OTOGL: variants seen among roughly 807,000 people sequenced by gnomAD.
OTOGL encodes the protein otogelin-like protein.
Under a neutral mutation model 318.5 loss-of-function variants are expected in OTOGL, and 285 were observed. That is an observed-to-expected ratio of 0.89 (90% confidence interval 0.81 to 0.99). OTOGL has a LOEUF of 0.99. Ranked by LOEUF, OTOGL falls within the 50% of genes least tolerant of loss-of-function variation. The pLI is 0.00. For missense variants in OTOGL, 2,899 were observed against 2,845.6 expected (o/e 1.02, Z -0.43); for synonymous variants, 987 against 936.5 (o/e 1.05, Z -0.99).
chr12:80,310,257 TATA>T (rs1565974630), intron 29 of OTOGL, among the ~76,000 whole-genome samples: 1 of 152,178 alleles, frequency 6.6e-6, no homozygotes, highest in Admixed American at 6.5e-5. Flanking sequence ...CTTGGGTGCA[TATA>T]ACCTCTCAGA....
intron 1 of OTOGL, among the ~76,000 whole-genome samples, chr12:80,181,433 CTT>C (rs1055041241): frequency 6.6e-6 from 1 of 152,000 alleles, no homozygotes; most frequent in Admixed American, 6.6e-5. Flanking sequence ...GAAGTGTTCT[CTT>C]TTCTATTATG....
chr12:80,118,246 T>C (rs551383022), intron 1 of OTOGL, among the ~76,000 whole-genome samples: 6 of 152,272 alleles, frequency 3.9e-5, no homozygotes, highest in South Asian at 4.1e-4. Context: ...AAGATAACCA[T>C]GTTTTGTGCT....
At chr12:80,359,978 C>A (rs1303570527) in intron 52 of OTOGL, among the ~76,000 whole-genome samples, 1 of 152,154 alleles carries the variant, frequency 6.6e-6, no homozygotes, top group Non-Finnish European at 1.5e-5. Context: ...GGGTTCTAAC[C>A]AAGGATTGCT....
At chr12:80,307,734 C>T (rs1480625532) in intron 29 of OTOGL, among the ~76,000 whole-genome samples, 3 of 137,940 alleles carry the variant, frequency 2.2e-5, no homozygotes, top group African/African-American at 5.5e-5. Context: ...GCTGGCCGAG[C>T]GGGGGGCAGA....
chr12:80,225,607 C>T (rs949356051), intron 7 of OTOGL, among the ~76,000 whole-genome samples: 4 of 152,078 alleles, frequency 2.6e-5, no homozygotes, highest in African/African-American at 9.7e-5. Context: ...TCCTTCTCAA[C>T]ATTTTGCTCT....
At chr12:80,247,083 T>C (rs1185363438) in intron 11 of OTOGL, among the ~76,000 whole-genome samples, 4,719 of 133,434 alleles carry the variant, frequency 0.035, 121 homozygotes, top group Non-Finnish European at 0.05. Flanking sequence ...GCTAGCAGTC[T>C]ATCAATTTTG....
At chr12:80,226,971 T>C (rs1878917090) in intron 7 of OTOGL, among the ~76,000 whole-genome samples, 1 of 152,158 alleles carries the variant, frequency 6.6e-6, no homozygotes, top group Non-Finnish European at 1.5e-5. Context: ...TTACTCAACC[T>C]CCAGAAGTTT....
intron 1 of OTOGL, among the ~76,000 whole-genome samples, chr12:80,171,766 A>G (rs375530174): frequency 6.6e-6 from 1 of 152,162 alleles, no homozygotes; most frequent in African/African-American, 2.4e-5. Context: ...TTTGTTAACA[A>G]TATTCAGTTT....
intron 26 of OTOGL, among the ~76,000 whole-genome samples, chr12:80,294,721 G>GT (rs1885266668): frequency 6.6e-6 from 1 of 152,272 alleles, no homozygotes; most frequent in African/African-American, 2.4e-5. Context: ...TTTAGCCAAA[G>GT]TAAGAGATGA....
intron 1 of OTOGL, among the ~76,000 whole-genome samples, chr12:80,197,919 A>C (rs1270952522): frequency 6.6e-6 from 1 of 152,232 alleles, no homozygotes; most frequent in African/African-American, 2.4e-5. Flanking sequence ...CAAGGGGGAC[A>C]TAAGTAGTAT....
At chr12:80,155,985 G>C (rs116128202) in intron 1 of OTOGL, among the ~76,000 whole-genome samples, 2 of 152,114 alleles carry the variant, frequency 1.3e-5, no homozygotes, top group African/African-American at 4.8e-5. Context: ...ACTCCATTAT[G>C]TATATGTACC....
chr12:80,125,755 GT>G (rs1555269503), intron 1 of OTOGL, among the ~76,000 whole-genome samples: 2 of 152,054 alleles, frequency 1.3e-5, no homozygotes, highest in Non-Finnish European at 2.9e-5. Context: ...CTTCTTCCTG[GT>G]TTAGTCTTCG....
At chr12:80,289,664 T>C (rs950494947) in intron 26 of OTOGL, among the ~76,000 whole-genome samples, 3 of 152,168 alleles carry the variant, frequency 2.0e-5, no homozygotes, top group Non-Finnish European at 4.4e-5. Context: ...TTCCGCCCAG[T>C]CCAAACTTCC....
intron 1 of OTOGL, among the ~76,000 whole-genome samples, chr12:80,145,426 T>A (rs906738360): frequency 6.6e-6 from 1 of 152,008 alleles, no homozygotes; most frequent in South Asian, 2.1e-4. Flanking sequence ...TATCTCTGTT[T>A]TGGTACCAGT....
At chr12:80,365,855 C>A (rs2138069033) in intron 52 of OTOGL, among the ~76,000 whole-genome samples, 1 of 152,224 alleles carries the variant, frequency 6.6e-6, no homozygotes, top group South Asian at 2.1e-4. Flanking sequence ...AAACTAAATG[C>A]ATCCAGGAAA....
chr12:80,336,215 T>C lies in OTOGL; in HGVS notation c.4600+75T>C. The C allele has an allele frequency of 2.1e-6, 3 of 1,421,332 alleles. No individual in the cohort carries two copies. The South Asian group carries it at 4.6e-5, about 22-fold the overall frequency. 88.0% of individuals were successfully genotyped at this position (1,421,332 alleles called of 1,614,324 possible). On this transcript the variant is annotated intron_variant, in intron 39 of 58. Transcript: ENST00000547103. Reference sequence around the variant, plus strand: ...GGAGAGATTGTTACTTTTTTGAACCTTTCACCTCATCAAGCCAAAGTTACT... The same window carrying C: ...GGAGAGATTGTTACTTTTTTGAACCCTTCACCTCATCAAGCCAAAGTTACT...
chr12:80,169,671 T>C (rs1297726443), intron 1 of OTOGL, among the ~76,000 whole-genome samples: 1 of 152,212 alleles, frequency 6.6e-6, no homozygotes, highest in Non-Finnish European at 1.5e-5. Context: ...TGTTCCTTTG[T>C]AGTCAAACTC....
intron 1 of OTOGL, among the ~76,000 whole-genome samples, chr12:80,130,668 AG>A (rs1337524487): frequency 4.1e-4 from 63 of 152,348 alleles, no homozygotes; most frequent in Non-Finnish European, 2.9e-5. Flanking sequence ...TTAGGAATAA[AG>A]GTATGCTGAC....
intron 11 of OTOGL, among the ~76,000 whole-genome samples, chr12:80,248,874 T>A (rs1220542383): frequency 1.3e-5 from 2 of 148,996 alleles, no homozygotes; most frequent in Non-Finnish European, 3.0e-5. Flanking sequence ...CTTTTTATTC[T>A]TTTTTCTCTA....
Sources: allele counts gnomAD v4.1 joint callset (sites outside exome capture counted in the v4.1 genomes callset), GRCh38; gene constraint gnomAD v4.1.1; transcripts MANE v1.5; gene names NCBI Gene and HGNC (gene_info 2026-07-23, HGNC 2026-07-21).